The following CHRM3 variants were observed in gnomAD, a reference collection of about 807,000 sequenced individuals.
The protein encoded by CHRM3 is muscarinic acetylcholine receptor M3.
A neutral mutation model predicts 41.8 loss-of-function variants in CHRM3; 11 were observed. The observed-to-expected ratio is 0.26, with a 90% CI of 0.17 to 0.44. The LOEUF (loss-of-function observed/expected upper bound fraction) is 0.44, where lower values mean the gene tolerates loss of function less well. Among genes scored for constraint, CHRM3 ranks in the 20% least tolerant of loss-of-function variants. The pLI is 1.00. For missense variants in CHRM3, 571 were observed against 745.4 expected (o/e 0.77, Z 2.72); for synonymous variants, 297 against 301.4 (o/e 0.99, Z 0.15).
intron 1 of CHRM3, among the ~76,000 whole-genome samples, chr1:239,475,124 T>TA (rs1028022664): frequency 6.6e-6 from 1 of 152,082 alleles, no homozygotes; most frequent in Non-Finnish European, 1.5e-5. Context: ...GAAAATGGAA[T>TA]AATTTAATTC....
intron 3 of CHRM3, among the ~76,000 whole-genome samples, chr1:239,571,091 T>TG (rs1417561343): frequency 6.6e-6 from 1 of 152,072 alleles, no homozygotes; most frequent in Non-Finnish European, 1.5e-5. Context: ...ATAGTGAGGC[T>TG]GGGGGAACTT....
chr1:239,446,775 T>G (rs1664183062), intron 1 of CHRM3, among the ~76,000 whole-genome samples: 1 of 152,192 alleles, frequency 6.6e-6, no homozygotes. Context: ...TCAGCACTAT[T>G]TGAAGTGGTG....
chr1:239,495,709 A>G (rs1667835557), intron 2 of CHRM3, among the ~76,000 whole-genome samples: 1 of 152,172 alleles, frequency 6.6e-6, no homozygotes, highest in Non-Finnish European at 1.5e-5. Context: ...TGGGGATGGT[A>G]ATAACAATTG....
chr1:239,700,111 T>A (rs1660547498), intron 5 of CHRM3, among the ~76,000 whole-genome samples: 1 of 152,158 alleles, frequency 6.6e-6, no homozygotes, highest in African/African-American at 2.4e-5. Flanking sequence ...CAGATCCTCA[T>A]AAAAGAAATA....
intron 6 of CHRM3, among the ~76,000 whole-genome samples, chr1:239,846,829 C>G (rs112598159): frequency 6.6e-6 from 1 of 152,062 alleles, no homozygotes; most frequent in Non-Finnish European, 1.5e-5. Context: ...GAAAGATAAG[C>G]GGCATAGAGT....
intron 1 of CHRM3, among the ~76,000 whole-genome samples, chr1:239,410,626 G>A (rs934757724): frequency 7.2e-5 from 11 of 152,120 alleles, no homozygotes; most frequent in African/African-American, 1.4e-4. Flanking sequence ...TTTACCTCCC[G>A]TATGGATTCC....
At chr1:239,448,528 G>T (rs1664315468) in intron 1 of CHRM3, among the ~76,000 whole-genome samples, 1 of 152,062 alleles carries the variant, frequency 6.6e-6, no homozygotes, top group Non-Finnish European at 1.5e-5. Context: ...TTTGGGGAAA[G>T]AAAATTGATA....
At chr1:239,888,684 G>A (rs548620035) in intron 6 of CHRM3, among the ~76,000 whole-genome samples, 30 of 151,912 alleles carry the variant, frequency 2.0e-4, no homozygotes, top group East Asian at 9.7e-4. Flanking sequence ...GCAATTGCCC[G>A]ATGCCTTCAT....
At chr1:239,725,518 A>T (rs1368106270) in intron 5 of CHRM3, among the ~76,000 whole-genome samples, 1 of 151,970 alleles carries the variant, frequency 6.6e-6, no homozygotes, top group African/African-American at 2.4e-5. Flanking sequence ...TCACTGAATA[A>T]ATAAAGATAA....
chr1:239,842,210 CTTT>C (rs11294705), intron 6 of CHRM3, among the ~76,000 whole-genome samples: 80 of 128,016 alleles, frequency 6.2e-4, no homozygotes, highest in Admixed American at 4.1e-3. Context: ...ACATGTACTT[CTTT>C]TTTTTTTTTT....
chr1:239,412,906 C>T (rs931352393), intron 1 of CHRM3, among the ~76,000 whole-genome samples: 6 of 151,636 alleles, frequency 4.0e-5, no homozygotes, highest in African/African-American at 7.3e-5. Flanking sequence ...TGGTGAAACC[C>T]GTCTCTACTA....
chr1:239,888,230 G>A (rs1678233231), intron 6 of CHRM3, among the ~76,000 whole-genome samples: 1 of 152,082 alleles, frequency 6.6e-6, no homozygotes, highest in Admixed American at 6.6e-5. Context: ...AGCCAGGCAT[G>A]GTGGTGCACA....
At chr1:239,858,581 T>A (rs573660427) in intron 6 of CHRM3, among the ~76,000 whole-genome samples, 2 of 152,204 alleles carry the variant, frequency 1.3e-5, no homozygotes, top group African/African-American at 4.8e-5. Flanking sequence ...TTTTTGCGTT[T>A]GTTTGGTTTT....
chr1:239,663,345 A>G (rs927946860), intron 4 of CHRM3, among the ~76,000 whole-genome samples: 1 of 152,164 alleles, frequency 6.6e-6, no homozygotes, highest in Non-Finnish European at 1.5e-5. Context: ...AGTTTGTTAA[A>G]TTCCTGAGTT....
intron 1 of CHRM3, among the ~76,000 whole-genome samples, chr1:239,487,883 C>CA (rs998587375): frequency 4.3e-5 from 6 of 138,996 alleles, no homozygotes; most frequent in East Asian, 2.1e-4. Context: ...AACACAAAGA[C>CA]AAAAAAAAGA....
Position 239,907,340 on chromosome 1 carries a change from A to T in CHRM3, c.-19-93A>T. On this transcript the variant is annotated intron_variant, in intron 6 of 6. Transcript: ENST00000676153. This position sits in a 1 kb window ranked among gnomAD's most constrained non-coding sequence, Gnocchi z 5.4. ...TCATAGAGATTCAGCACCCTGTAAT[A>T]GGCCTTCCATGTCTTTTAACGTATG... is the stretch of plus-strand genomic sequence containing the variant. 1 of 893,996 alleles carries T rather than the reference A, an allele frequency of 1.1e-6. No individual in the cohort carries two copies. Among genetic ancestry groups the T allele is most frequent in the Non-Finnish European group, 1.7e-6 (1 of 583,756 alleles). 55.4% of individuals were successfully genotyped at this position (893,996 alleles called of 1,614,324 possible). A position where few individuals can be genotyped will look rare whatever the true frequency, so the allele number is the denominator to read the frequency against.
chr1:239,604,088 T>A (rs1231292508), intron 3 of CHRM3, among the ~76,000 whole-genome samples: 2 of 152,168 alleles, frequency 1.3e-5, no homozygotes, highest in African/African-American at 4.8e-5. Flanking sequence ...CTTGTGTAAA[T>A]CATTTTTCTT....
intron 2 of CHRM3, among the ~76,000 whole-genome samples, chr1:239,520,684 T>C (rs1351497445): frequency 1.3e-5 from 2 of 152,178 alleles, no homozygotes; most frequent in Non-Finnish European, 2.9e-5. Flanking sequence ...CAAACAGGTA[T>C]AGCAGGTGTG....
At chr1:239,506,153 G>A (rs1405414829) in intron 2 of CHRM3, among the ~76,000 whole-genome samples, 11 of 152,176 alleles carry the variant, frequency 7.2e-5, no homozygotes, top group Admixed American at 7.2e-4. Flanking sequence ...CTCATTTTCT[G>A]AGGAGAAATT....
Sources: gnomAD v4.1 joint callset for allele counts (sites outside exome capture counted in the v4.1 genomes callset) on GRCh38, gnomAD v4.1.1 for gene constraint, Gnocchi (gnomAD v3.1) non-coding constraint, MANE v1.5 for transcripts, NCBI Gene and HGNC (gene_info 2026-07-23, HGNC 2026-07-21) for gene names.